The following DPP4 variants were observed in gnomAD, a reference collection of about 807,000 sequenced individuals.
DPP4 encodes dipeptidyl peptidase 4.
Under a neutral mutation model 122.4 loss-of-function variants are expected in DPP4, and 93 were observed. That is an observed-to-expected ratio of 0.76 (90% CI 0.64 to 0.90). The LOEUF is 0.90. DPP4 is among the 40% of genes least tolerant of loss of function. DPP4 has a pLI of 0.00. For missense variants in DPP4, 914 were observed against 907.3 expected (o/e 1.01, Z -0.09); for synonymous variants, 321 against 302.9 (o/e 1.06, Z -0.62).
chr2:162,041,403 T>A (rs1240190375), intron 5 of DPP4, among the ~76,000 whole-genome samples: 2 of 152,146 alleles, frequency 1.3e-5, no homozygotes, highest in Non-Finnish European at 2.9e-5. Context: ...AAATTCTAAT[T>A]GTATCAATGA....
rs746787068 is a variant in DPP4, at chr2:162,033,736, C to A, written c.775-83G>T. 3 of 845,872 alleles carry A rather than the reference C, an allele frequency of 3.5e-6. No individual in the cohort carries two copies. The African/African-American group carries it at 5.2e-5, about 15-fold the overall frequency. 52.4% of individuals were successfully genotyped at this position (845,872 alleles called of 1,614,324 possible). On this transcript the variant is annotated intron_variant, in intron 9 of 25. Coordinates refer to ENST00000360534, the MANE Select transcript of DPP4 (RefSeq NM_001935.4). ...CACACATTTTAAAACTGCACAAAAA[C>A]GTCTGCATTATGGTCATAAAATTAT...
chr2:162,020,090 T>A (rs747825719), intron 14 of DPP4, 139 bp downstream of exon 14: 6 of 685,916 alleles, frequency 8.7e-6, no homozygotes, highest in South Asian at 8.4e-5. Context: ...GGCTTCCGTA[T>A]GTTAAAAAGA....
intron 10 of DPP4, among the ~76,000 whole-genome samples, chr2:162,025,600 C>T (rs1394921678): frequency 1.3e-5 from 2 of 152,172 alleles, no homozygotes; most frequent in African/African-American, 4.8e-5. Context: ...CTCCCCAACA[C>T]ATACTTAAAA....
intron 2 of DPP4, among the ~76,000 whole-genome samples, chr2:162,061,006 CTCCTTCCT>C (rs1235608036): frequency 6.5e-4 from 53 of 81,530 alleles, no homozygotes; most frequent in African/African-American, 2.8e-3. Flanking sequence ...CCCTCCCTCC[CTCCTTCCT>C]TCCTTCCTTC....
At chr2:162,020,828 C>G (rs1006783674) in intron 12 of DPP4, 140 bp from the exon 13 acceptor site, 10 of 532,958 alleles carry the variant, frequency 1.9e-5, no homozygotes, top group African/African-American at 1.7e-4. Context: ...ATTAGTGTCT[C>G]AAAAAGAAAA....
chr2:162,038,844 G>A, intron 7 of DPP4, 105 bp downstream of exon 7: 1 of 974,486 alleles, frequency 1.0e-6, no homozygotes, highest in South Asian at 1.3e-5. Flanking sequence ...GTTCTATAGT[G>A]AAGTATTGAG....
At chr2:162,015,404 G>A (rs1416956604) in intron 18 of DPP4, among the ~76,000 whole-genome samples, 1 of 152,152 alleles carries the variant, frequency 6.6e-6, no homozygotes, top group East Asian at 1.9e-4. Context: ...GTGCTTGTAA[G>A]AGCAAAATTT....
intron 2 of DPP4, among the ~76,000 whole-genome samples, chr2:162,056,724 G>T (rs1164041548): frequency 1.3e-5 from 2 of 152,134 alleles, no homozygotes; most frequent in Non-Finnish European, 2.9e-5. Flanking sequence ...CGAAGAAAAA[G>T]CCACACAGTG....
intron 23 of DPP4, among the ~76,000 whole-genome samples, chr2:162,003,293 G>A (rs916470659): frequency 6.6e-6 from 1 of 152,136 alleles, no homozygotes; most frequent in Non-Finnish European, 1.5e-5. Flanking sequence ...ACCGCAGTCA[G>A]GGGTAGAGCT....
At chr2:162,061,960 T>C (rs551348502) in intron 2 of DPP4, among the ~76,000 whole-genome samples, 2 of 152,236 alleles carry the variant, frequency 1.3e-5, no homozygotes, top group South Asian at 2.1e-4. Flanking sequence ...AGGACATGAT[T>C]TGACTTATGT....
chr2:161,994,857 T>A, intron 25 of DPP4, 104 bp downstream of exon 25: 2 of 1,125,020 alleles, frequency 1.8e-6, no homozygotes, highest in Non-Finnish European at 2.6e-6. Context: ...TTTTTAATGT[T>A]TTTATTCTGT....
At chr2:161,994,838 A>T in intron 25 of DPP4, 123 bp downstream of exon 25, 2 of 849,884 alleles carry the variant, frequency 2.4e-6, no homozygotes, top group Non-Finnish European at 1.9e-6. Context: ...CTTCACGTTG[A>T]AAAAAAAATT....
chr2:162,044,137 T>A (rs1684092179), intron 5 of DPP4, among the ~76,000 whole-genome samples: 1 of 152,214 alleles, frequency 6.6e-6, no homozygotes, highest in Non-Finnish European at 1.5e-5. Flanking sequence ...TCAAGTAAAT[T>A]AAGTGAATGT....
chr2:162,073,077 A>G (rs1005758485), intron 2 of DPP4, among the ~76,000 whole-genome samples: 11 of 152,224 alleles, frequency 7.2e-5, no homozygotes, highest in Non-Finnish European at 8.8e-5. Context: ...CTCAAAAATT[A>G]CATGTAAATT....
Position 162,070,437 on chromosome 2 carries a change from T to G in DPP4, c.94+2962A>C, listed in dbSNP as rs191127618. Among the ~76,000 whole-genome samples the G allele has an allele frequency of 1.8e-4, 27 of 152,294 alleles. No individual in the cohort carries two copies. The East Asian group carries it at 3.9e-3, about 22-fold the overall frequency. ...TAAATCAACCTCTCAGGGGATGAAC[T>G]TGGGTTTGCTCATGGCTTCCTCCTT... On this transcript the variant is annotated intron_variant, in intron 2 of 25. Transcript: ENST00000360534.
intron 23 of DPP4, among the ~76,000 whole-genome samples, chr2:161,997,187 AC>A (rs1008296288): frequency 6.6e-6 from 1 of 152,078 alleles, no homozygotes; most frequent in African/African-American, 2.4e-5. Context: ...TCCATTTCTC[AC>A]CCAAATTGAA....
At chr2:162,051,242 GCT>G (rs996976523) in intron 2 of DPP4, among the ~76,000 whole-genome samples, 33 of 152,144 alleles carry the variant, frequency 2.2e-4, no homozygotes, top group Admixed American at 6.5e-5. Context: ...ATGAATCCTT[GCT>G]GTAGTGTCAA....
intron 5 of DPP4, among the ~76,000 whole-genome samples, chr2:162,041,410 A>G (rs1390070471): frequency 2.6e-5 from 4 of 152,160 alleles, no homozygotes; most frequent in Admixed American, 2.0e-4. Flanking sequence ...AATTGTATCA[A>G]TGAGGATGAG....
intron 2 of DPP4, among the ~76,000 whole-genome samples, chr2:162,072,513 C>T (rs946517202): frequency 3.3e-5 from 5 of 152,182 alleles, no homozygotes; most frequent in Non-Finnish European, 7.3e-5. Context: ...AGATAAGACT[C>T]CTTGAGTATG....
Sources: allele counts gnomAD v4.1 joint callset (sites outside exome capture counted in the v4.1 genomes callset), GRCh38; gene constraint gnomAD v4.1.1; transcripts MANE v1.5; gene names NCBI Gene and HGNC (gene_info 2026-07-23, HGNC 2026-07-21).